Variants in CACNA1C observed in about 807,000 individuals in gnomAD.
The protein encoded by CACNA1C is calcium voltage-gated channel subunit alpha1 C, also known as voltage-dependent L-type calcium channel subunit alpha-1C.
Under a neutral mutation model 229.0 loss-of-function variants are expected in CACNA1C, and 30 were observed. The observed-to-expected ratio is 0.13, with a 90% CI of 0.10 to 0.18. The LOEUF (loss-of-function observed/expected upper bound fraction) is 0.18, where lower values mean the gene tolerates loss of function less well. CACNA1C is among the 10% of genes least tolerant of loss of function. The pLI, the probability that CACNA1C is intolerant of heterozygous loss-of-function variation, is 1.00. For missense variants in CACNA1C, 1,658 were observed against 2,845.0 expected (o/e 0.58, Z 9.49); for synonymous variants, 1,114 against 1,132.5 (o/e 0.98, Z 0.33).
At chr12:2,309,642 A>G (rs1464943295) in intron 3 of CACNA1C, among the ~76,000 whole-genome samples, 3 of 152,254 alleles carry the variant, frequency 2.0e-5, no homozygotes, top group African/African-American at 7.2e-5. Flanking sequence ...AAAGCTGGGT[A>G]AAACTGTAAA....
chr12:2,396,362 C>T (rs1002761681), intron 3 of CACNA1C, among the ~76,000 whole-genome samples: 5 of 152,166 alleles, frequency 3.3e-5, no homozygotes, highest in East Asian at 1.9e-4. Flanking sequence ...TGCTCCCTTT[C>T]GGTGTCCGAG....
At chr12:1,996,663 CT>C (rs2040996683) in intron 1 of CACNA1C, among the ~76,000 whole-genome samples, 1 of 69,800 alleles carries the variant, frequency 1.4e-5, no homozygotes, top group Admixed American at 1.5e-4. Flanking sequence ...AAACAACAAA[CT>C]CTTCTAATGT....
chr12:2,130,263 C>A (rs1230174653), intron 3 of CACNA1C, among the ~76,000 whole-genome samples: 1 of 144,568 alleles, frequency 6.9e-6, no homozygotes, highest in East Asian at 2.0e-4. Flanking sequence ...ACCAGCTTTG[C>A]GTTTATTAGC....
intron 43 of CACNA1C, among the ~76,000 whole-genome samples, chr12:2,682,890 C>G (rs1310815077): frequency 5.5e-5 from 5 of 90,888 alleles, no homozygotes; most frequent in African/African-American, 1.7e-4. Context: ...CACACACACA[C>G]ACAGACACAC....
chr12:2,151,001 C>T (rs1015365463), intron 3 of CACNA1C, among the ~76,000 whole-genome samples: 4 of 152,134 alleles, frequency 2.6e-5, no homozygotes, highest in Non-Finnish European at 5.9e-5. Context: ...TGGCTGGTTC[C>T]TCTGGCTGAG....
chr12:2,066,881 G>C (rs60598648), intron 1 of CACNA1C, among the ~76,000 whole-genome samples: 1 of 152,034 alleles, frequency 6.6e-6, no homozygotes, highest in Non-Finnish European at 1.5e-5. Flanking sequence ...GAGGGGCCTC[G>C]GGCAGGGGTG....
At chr12:2,212,748 G>T (rs1387585301) in intron 3 of CACNA1C, among the ~76,000 whole-genome samples, 1 of 152,092 alleles carries the variant, frequency 6.6e-6, no homozygotes, top group African/African-American at 2.4e-5. Context: ...CTAAGTGTCT[G>T]GTGTGACAGC....
At position 2,221,598 on chromosome 12, in the gene CACNA1C, G is replaced by A. The variant is rs975661635; in HGVS notation, c.477+101168G>A. The A allele has an allele frequency of 4.6e-5, 7 of 152,330 alleles. 1 individual carries two copies. Among genetic ancestry groups the A allele is most frequent in the Middle Eastern group, 6.8e-3 (2 of 294 alleles). 9.4% of individuals were successfully genotyped at this position (152,330 alleles called of 1,614,324 possible). ...ATTTTTAGATACAGCTGATGGCAGT[G>A]CAGAAGTTCCACTCACCTTGGAGGG... On this transcript the variant is annotated intron_variant, in intron 3 of 46. Transcript: ENST00000399655.
At chr12:2,540,757 G>T (rs984468551) in intron 9 of CACNA1C, among the ~76,000 whole-genome samples, 3 of 152,216 alleles carry the variant, frequency 2.0e-5, no homozygotes, top group Admixed American at 6.5e-5. Context: ...GAGCCAGCAC[G>T]TTGAAGGATG....
chr12:2,679,552 G>A lies in CACNA1C; in HGVS notation c.5200G>A (p.Gly1734Ser). 2 of 1,613,412 alleles carry A rather than the reference G, an allele frequency of 1.2e-6. No homozygotes were observed. The highest frequency in any genetic ancestry group is 1.7e-5 in the Admixed American group (1 of 59,924). The change falls in exon 42 of 47, where the codon GGC becomes AGC. Residue 1734 changes from glycine to serine, a missense_variant. Physicochemically the swap from Gly to Ser is moderately conservative, Grantham distance 56. Coordinates refer to ENST00000399655, the MANE Select transcript of CACNA1C (RefSeq NM_000719.7). The surrounding 1 kb of genome is among the most constrained non-coding windows in gnomAD (Gnocchi z 5.5). ...TQRPLHINKA[G>S]SSQGDTESPS... ...GCGCCCGCTGCACATCAACAAGGCGGGCAGCAGCCAGGGCGACACTGAGTC... is the reference window on the plus strand; with the variant it reads ...GCGCCCGCTGCACATCAACAAGGCGAGCAGCAGCCAGGGCGACACTGAGTC...
intron 1 of CACNA1C, among the ~76,000 whole-genome samples, chr12:2,098,854 C>T (rs1488034735): frequency 6.6e-6 from 1 of 152,214 alleles, no homozygotes; most frequent in African/African-American, 2.4e-5. Flanking sequence ...TAGACATAAT[C>T]CCTTGTAGTC....
intron 3 of CACNA1C, among the ~76,000 whole-genome samples, chr12:2,260,960 G>A (rs1456050995): frequency 6.6e-6 from 1 of 152,168 alleles, no homozygotes; most frequent in African/African-American, 2.4e-5. Context: ...GCCAGGTGGT[G>A]TGGCTCACAC....
chr12:2,623,314 C>T (rs1015270591), intron 29 of CACNA1C, among the ~76,000 whole-genome samples: 10 of 152,016 alleles, frequency 6.6e-5, no homozygotes, highest in Admixed American at 3.3e-4. Flanking sequence ...CGCTGTTCCT[C>T]GTGGTTCTGC....
chr12:2,431,035 T>C (rs115109723), intron 3 of CACNA1C, among the ~76,000 whole-genome samples: 7,416 of 152,246 alleles, frequency 0.049, 614 homozygotes, highest in African/African-American at 0.17. Context: ...CTCCCTTCAT[T>C]GACGGGTGGC....
At chr12:2,427,704 C>A (rs2154557675) in intron 3 of CACNA1C, among the ~76,000 whole-genome samples, 1 of 152,234 alleles carries the variant, frequency 6.6e-6, no homozygotes, top group East Asian at 1.9e-4. Context: ...TCACTGCAAC[C>A]TCCGCCTCCC....
At position 2,674,569 on chromosome 12, in the gene CACNA1C, G is replaced by A; in HGVS notation, c.4755G>A (p.Leu1585=). 6.4e-7 allele frequency: 1 copy of A among 1,571,548 alleles called. No homozygotes were observed. Among genetic ancestry groups the A allele is most frequent in the Non-Finnish European group, 8.6e-7 (1 of 1,157,802 alleles). The change falls in exon 39 of 47, where the codon CTG becomes CTA. Residue 1585 remains leucine, a synonymous_variant. Transcript: ENST00000399655. ...ACCTAGAACAAGCCAATGAGGAGCT[G>A]CGGGCGATCATCAAGAAGATCTGGA... ...EGNLEQANEE[L]RAIIKKIWKR...
At chr12:2,544,781 T>C (rs1371239831) in intron 9 of CACNA1C, among the ~76,000 whole-genome samples, 1 of 152,180 alleles carries the variant, frequency 6.6e-6, no homozygotes, top group African/African-American at 2.4e-5. Flanking sequence ...GTCGGGTGAA[T>C]ATGGGCAGAT....
rs2080365954 is a variant in CACNA1C, at chr12:2,108,871, G to A, written c.50-6353G>A. Among the ~76,000 whole-genome samples, 1 of 152,176 alleles carries A rather than the reference G, an allele frequency of 6.6e-6. No homozygotes were observed. Among genetic ancestry groups the A allele is most frequent in the Non-Finnish European group, 1.5e-5 (1 of 68,042 alleles). On this transcript the variant is annotated intron_variant, in intron 1 of 46. Coordinates refer to ENST00000399655, the MANE Select transcript of CACNA1C (RefSeq NM_000719.7). The surrounding 1 kb of genome is among the most constrained non-coding windows in gnomAD (Gnocchi z 5.3). ...GGAGAAAGTCCGGTTTCTGTTCCAG[G>A]TTGTCTGCGATACTCTTAAAGGGAA...
chr12:2,577,580 C>T (rs1227817965), intron 13 of CACNA1C, among the ~76,000 whole-genome samples: 1 of 152,206 alleles, frequency 6.6e-6, no homozygotes, highest in East Asian at 1.9e-4. Context: ...GCAGCCACTT[C>T]TCACTGTTTG....
Sources: gnomAD v4.1 joint callset for allele counts (sites outside exome capture counted in the v4.1 genomes callset) on GRCh38, gnomAD v4.1.1 for gene constraint, Gnocchi (gnomAD v3.1) non-coding constraint, MANE v1.5 for transcripts, NCBI Gene and HGNC (gene_info 2026-07-23, HGNC 2026-07-21) for gene names.